The following BBOF1 variants were observed in gnomAD, a reference collection of about 807,000 sequenced individuals.
BBOF1 encodes the protein basal body-orientation factor 1.
A neutral mutation model predicts 68.0 loss-of-function variants in BBOF1; 62 were observed. The observed-to-expected ratio is 0.91, with a 90% CI of 0.74 to 1.13. The LOEUF is 1.13. Among genes scored for constraint, BBOF1 ranks in the 50% most tolerant of loss-of-function variants. BBOF1 has a pLI of 0.00. For missense variants in BBOF1, 534 were observed against 600.1 expected (o/e 0.89, Z 1.15); for synonymous variants, 208 against 198.8 (o/e 1.05, Z -0.39).
chr14:74,033,790 C>T (rs1040495302), intron 3 of BBOF1, among the ~76,000 whole-genome samples: 5 of 151,716 alleles, frequency 3.3e-5, no homozygotes, highest in African/African-American at 4.8e-5. Flanking sequence ...GGCGTGAACC[C>T]GGGAGGTGGA....
At chr14:74,071,455 C>G (rs2060547978) in intron 9 of BBOF1, 23 of 1,614,116 alleles carry the variant, frequency 1.4e-5, no homozygotes, top group Non-Finnish European at 1.9e-5. Flanking sequence ...CATGGTCTCT[C>G]CCATCATGAG....
chr14:74,070,973 C>T (rs1183831892), downstream of BBOF1: 1 of 573,254 alleles, frequency 1.7e-6, no homozygotes. Context: ...ATCCATATTT[C>T]TAGTGTCCCA....
intron 4 of BBOF1, among the ~76,000 whole-genome samples, chr14:74,034,864 A>T (rs1169085126): frequency 8.5e-5 from 13 of 152,130 alleles, no homozygotes; most frequent in Non-Finnish European, 1.9e-4. Flanking sequence ...CCAAGGCAGG[A>T]TAATCTCTTG....
chr14:74,034,218 T>C (rs569272495), intron 4 of BBOF1, 47 bp downstream of exon 4: 85 of 1,334,914 alleles, frequency 6.4e-5, no homozygotes, highest in South Asian at 5.1e-4. Flanking sequence ...AATTAACTAT[T>C]TAATGCCTAC....
intron 1 of BBOF1, among the ~76,000 whole-genome samples, chr14:74,022,572 G>T (rs2059327822): frequency 6.6e-6 from 1 of 152,058 alleles, no homozygotes; most frequent in Non-Finnish European, 1.5e-5. Context: ...AGATATGAAA[G>T]CTTTCTGAAA....
At chr14:74,027,715 CACTTAGGT>C (rs1346719603) in intron 2 of BBOF1, among the ~76,000 whole-genome samples, 1 of 152,118 alleles carries the variant, frequency 6.6e-6, no homozygotes, top group Non-Finnish European at 1.5e-5. Context: ...GATACATCAT[CACTTAGGT>C]ACTATATATA....
intron 9 of BBOF1, chr14:74,075,134 G>T: frequency 1.2e-6 from 1 of 849,986 alleles, no homozygotes; most frequent in Non-Finnish European, 1.9e-6. Flanking sequence ...TTCTCTCAAA[G>T]GCCATACAGT....
intron 8 of BBOF1, among the ~76,000 whole-genome samples, chr14:74,053,934 G>A (rs2139656756): frequency 6.6e-6 from 1 of 151,858 alleles, no homozygotes; most frequent in African/African-American, 2.4e-5. Flanking sequence ...GAGTGCAGTG[G>A]CACAATCTCG....
At chr14:74,063,551 G>T (rs573024844) in intron 11 of BBOF1, among the ~76,000 whole-genome samples, 1 of 151,572 alleles carries the variant, frequency 6.6e-6, no homozygotes, top group Non-Finnish European at 1.5e-5. Context: ...CATTTTATAC[G>T]TGAATAAATT....
intron 3 of BBOF1, among the ~76,000 whole-genome samples, chr14:74,031,219 T>C (rs2059561295): frequency 6.6e-6 from 1 of 151,852 alleles, no homozygotes; most frequent in Non-Finnish European, 1.5e-5. Flanking sequence ...GTTCAAGGGA[T>C]CCTCCCACCC....
intron 8 of BBOF1, 127 bp from the exon 9 acceptor site, chr14:74,055,456 GT>G (rs1408830958): frequency 1.5e-6 from 1 of 684,148 alleles, no homozygotes; most frequent in East Asian, 2.8e-5. Flanking sequence ...GCCTGTAGTT[GT>G]TTCATAATAT....
intron 9 of BBOF1, chr14:74,071,929 C>CT: frequency 6.2e-7 from 1 of 1,614,214 alleles, no homozygotes; most frequent in South Asian, 1.1e-5. Context: ...TCAGCATCAG[C>CT]TAGGGTCTTC....
intron 10 of BBOF1, among the ~76,000 whole-genome samples, chr14:74,079,206 G>C (rs1180096165): frequency 6.6e-6 from 1 of 151,584 alleles, no homozygotes; most frequent in East Asian, 1.9e-4. Flanking sequence ...GCTGGGCACA[G>C]TAGCTCACGC....
At chr14:74,057,101 G>A in intron 10 of BBOF1, 43 bp from the exon 11 acceptor site, 2 of 1,604,492 alleles carry the variant, frequency 1.2e-6, no homozygotes, top group Non-Finnish European at 1.7e-6. Flanking sequence ...GGTTTCATGT[G>A]TGTAGAGTTG....
chr14:74,049,746 C>T lies in BBOF1; in HGVS notation c.837C>T (p.Val279=), dbSNP rs1360921256. 6.2e-7 allele frequency: 1 copy of T among 1,613,812 alleles called. No individual in the cohort carries two copies. The change falls in exon 8 of 12, where the codon GTC becomes GTT. Residue 279 remains valine (V), a synonymous_variant. Coordinates refer to ENST00000394009, the MANE Select transcript of BBOF1 (RefSeq NM_025057.3). ...TTAAGGAAAAGATTATGCAACTTGT[C>T]CAGCAGAGATCACAAATCCAAACCC... The part of the protein sequence containing the change: ...LLVKEKIMQL[V]QQRSQIQTLQ...
chr14:74,072,948 C>T (rs574940675), intron 9 of BBOF1, among the ~76,000 whole-genome samples: 18 of 152,146 alleles, frequency 1.2e-4, no homozygotes, highest in African/African-American at 3.9e-4. Context: ...TACAGACACC[C>T]GCCACAACAC....
At chr14:74,045,300 G>A (rs1444528210) in intron 5 of BBOF1, among the ~76,000 whole-genome samples, 3 of 132,120 alleles carry the variant, frequency 2.3e-5, no homozygotes, top group African/African-American at 9.2e-5. Context: ...AATGCTCATA[G>A]TATTATTTTT....
intron 10 of BBOF1, among the ~76,000 whole-genome samples, chr14:74,079,068 A>G (rs1345195201): frequency 6.6e-6 from 1 of 151,730 alleles, no homozygotes; most frequent in Non-Finnish European, 1.5e-5. Context: ...TGGCTTAACT[A>G]TCTAGATCCT....
chr14:74,047,489 G>A (rs997891726), intron 6 of BBOF1, among the ~76,000 whole-genome samples: 3 of 151,852 alleles, frequency 2.0e-5, no homozygotes, highest in Admixed American at 6.6e-5. Context: ...GGAGTGCAGT[G>A]GTACAATCAT....
Sources: allele counts gnomAD v4.1 joint callset (sites outside exome capture counted in the v4.1 genomes callset), GRCh38; gene constraint gnomAD v4.1.1; transcripts MANE v1.5; gene names NCBI Gene and HGNC (gene_info 2026-07-23, HGNC 2026-07-21).